The following RYR2 variants were observed in gnomAD, a reference collection of about 807,000 sequenced individuals.
The protein encoded by RYR2 is ryanodine receptor 2, also known as cardiac muscle ryanodine receptor-calcium release channel.
In RYR2, 227 loss-of-function variants were observed where a neutral mutation model predicts 601.1. The ratio of observed to expected loss-of-function variants is 0.38; its 90% CI spans 0.34 to 0.42. RYR2 has a LOEUF of 0.42. Ranked by LOEUF, RYR2 falls within the 10% of genes least tolerant of loss-of-function variation. The pLI is 1.00. For missense variants in RYR2, 4,646 were observed against 6,156.5 expected (o/e 0.75, Z 8.21); for synonymous variants, 2,223 against 2,175.1 (o/e 1.02, Z -0.61).
chr1:237,484,236 C>A (rs917757324), intron 17 of RYR2, among the ~76,000 whole-genome samples: 1 of 152,228 alleles, frequency 6.6e-6, no homozygotes, highest in Non-Finnish European at 1.5e-5. Flanking sequence ...CAGAATCACA[C>A]TCCTGTATCC....
intron 17 of RYR2, among the ~76,000 whole-genome samples, chr1:237,470,453 A>T (rs945522348): frequency 5.3e-5 from 8 of 152,194 alleles, no homozygotes; most frequent in African/African-American, 1.9e-4. Context: ...AAAAATGTGT[A>T]GAGTTTAGAT....
At chr1:237,669,455 G>T (rs1430991115) in intron 58 of RYR2, among the ~76,000 whole-genome samples, 1 of 151,622 alleles carries the variant, frequency 6.6e-6, no homozygotes, top group Non-Finnish European at 1.5e-5. Context: ...AGGGGCGGCC[G>T]GGCAGAGGCG....
chr1:237,587,180 A>G (rs891530189), intron 29 of RYR2, among the ~76,000 whole-genome samples: 1 of 152,160 alleles, frequency 6.6e-6, no homozygotes, highest in African/African-American at 2.4e-5. Flanking sequence ...AACACATATT[A>G]CCAAATTGCT....
chr1:237,759,925 G>A (rs1255172320), intron 83 of RYR2, 73 bp downstream of exon 83: 1 of 883,532 alleles, frequency 1.1e-6, no homozygotes, highest in African/African-American at 1.7e-5. Context: ...TTCTTACTCT[G>A]ACGATAATTG....
At chr1:237,530,250 G>T (rs6698551) in intron 24 of RYR2, among the ~76,000 whole-genome samples, 177 bp from the exon 25 acceptor site, 2 of 151,686 alleles carry the variant, frequency 1.3e-5, no homozygotes, top group Non-Finnish European at 2.9e-5. Flanking sequence ...GGCGGAGCTT[G>T]CAGTGAGCCG....
chr1:237,351,702 A>T (rs1450228210), intron 3 of RYR2, among the ~76,000 whole-genome samples: 1 of 151,940 alleles, frequency 6.6e-6, no homozygotes, highest in Non-Finnish European at 1.5e-5. Context: ...AAGCCTTCTC[A>T]CAAAGAAGTC....
intron 2 of RYR2, among the ~76,000 whole-genome samples, chr1:237,295,261 G>A (rs555606714): frequency 2.2e-5 from 3 of 137,340 alleles, no homozygotes; most frequent in Non-Finnish European, 3.2e-5. Flanking sequence ...AGAAGAAACC[G>A]TACTTCAGTG....
chr1:237,792,330 TAGTA>T lies in RYR2; in HGVS notation c.13782+10_13782+13del, dbSNP rs775418111. 32 of 1,587,152 alleles carry T rather than the reference TAGTA, an allele frequency of 2.0e-5. No homozygotes were observed. The Admixed American group carries it at 2.4e-4, about 12-fold the overall frequency. On this transcript the variant is annotated splice_region_variant and intron_variant, in intron 94 of 104. Coordinates refer to ENST00000366574, the MANE Select transcript of RYR2 (RefSeq NM_001035.3). ...TGGATACTACTGCTTGAAAGTAAGA[TAGTA>T]AGGCACCAAGGTACCTGTGTGTGTG...
chr1:237,580,440 A>C (rs1447232066), intron 29 of RYR2, among the ~76,000 whole-genome samples: 3 of 149,906 alleles, frequency 2.0e-5, no homozygotes, highest in Non-Finnish European at 4.4e-5. Flanking sequence ...TACAGGCGTG[A>C]GCCACTGCGC....
intron 58 of RYR2, among the ~76,000 whole-genome samples, chr1:237,672,607 A>G (rs1407713068): frequency 6.6e-6 from 1 of 152,204 alleles, no homozygotes; most frequent in Non-Finnish European, 1.5e-5. Flanking sequence ...TGTTGGGAGC[A>G]TTCAAAAACT....
At chr1:237,183,614 A>G (rs115673349) in intron 1 of RYR2, among the ~76,000 whole-genome samples, 4,048 of 152,336 alleles carry the variant, frequency 0.027, 81 homozygotes, top group Middle Eastern at 0.11. Context: ...AAGATAAAGC[A>G]TACACATAGA....
intron 101 of RYR2, among the ~76,000 whole-genome samples, chr1:237,823,851 C>G (rs958141439): frequency 6.6e-6 from 1 of 152,148 alleles, no homozygotes; most frequent in African/African-American, 2.4e-5. Context: ...GGGGATATCA[C>G]CACCGATCCC....
At position 237,736,657 on chromosome 1, in the gene RYR2, C is replaced by A. The variant is rs186647750; in HGVS notation, c.11091+2901C>A. On this transcript the variant is annotated intron_variant, in intron 79 of 104. Coordinates refer to ENST00000366574, the MANE Select transcript of RYR2 (RefSeq NM_001035.3). ...AGGAAGGCTAGAGGAGAGAGAGAAGCAAAGGAAGGCTGGAGGAGAGAGAGA... is the reference window on the plus strand; with the variant it reads ...AGGAAGGCTAGAGGAGAGAGAGAAGAAAAGGAAGGCTGGAGGAGAGAGAGA... Among the ~76,000 whole-genome samples the A allele has an allele frequency of 1.3e-3, 190 of 151,966 alleles. 1 individual carries two copies. The highest frequency in any genetic ancestry group is 2.1e-3 in the Non-Finnish European group (141 of 68,002).
chr1:237,337,873 G>A (rs1352330035), intron 3 of RYR2, among the ~76,000 whole-genome samples: 1 of 152,184 alleles, frequency 6.6e-6, no homozygotes, highest in Non-Finnish European at 1.5e-5. Flanking sequence ...TAAGTTGGTG[G>A]CTTAAAACAA....
At chr1:237,738,270 G>C (rs1354613043) in intron 79 of RYR2, among the ~76,000 whole-genome samples, 1 of 152,076 alleles carries the variant, frequency 6.6e-6, no homozygotes, top group African/African-American at 2.4e-5. Flanking sequence ...ACACAGAGTT[G>C]GGTTAATGAT....
intron 12 of RYR2, among the ~76,000 whole-genome samples, chr1:237,434,610 T>C (rs1707157554): frequency 6.6e-6 from 1 of 152,088 alleles, no homozygotes; most frequent in African/African-American, 2.4e-5. Flanking sequence ...CCAGATAAAA[T>C]TTTTTAGCTT....
At chr1:237,806,952 T>C (rs1159589025) in intron 99 of RYR2, among the ~76,000 whole-genome samples, 1 of 152,182 alleles carries the variant, frequency 6.6e-6, no homozygotes, top group East Asian at 1.9e-4. Flanking sequence ...TTTTCAAGTG[T>C]CCACTGGGTG....
intron 1 of RYR2, among the ~76,000 whole-genome samples, chr1:237,159,978 T>C (rs1675827628): frequency 6.6e-6 from 1 of 152,206 alleles, no homozygotes; most frequent in African/African-American, 2.4e-5. Flanking sequence ...ATCTTGTTTT[T>C]CCCTCCAATT....
chr1:237,369,421 ACATT>A, intron 5 of RYR2, 109 bp from the exon 6 acceptor site: 5 of 885,628 alleles, frequency 5.6e-6, no homozygotes, highest in Non-Finnish European at 9.2e-6. Flanking sequence ...AGCTCTTAAT[ACATT>A]CTTTCCTACT....
Sources: gnomAD v4.1 joint callset for allele counts (sites outside exome capture counted in the v4.1 genomes callset) on GRCh38, gnomAD v4.1.1 for gene constraint, MANE v1.5 for transcripts, NCBI Gene and HGNC (gene_info 2026-07-23, HGNC 2026-07-21) for gene names.